The following ZFP91 variants were observed in gnomAD, a reference collection of about 807,000 sequenced individuals.
ZFP91 encodes the protein E3 ubiquitin-protein ligase ZFP91.
In ZFP91, 7 loss-of-function variants were observed where a neutral mutation model predicts 63.5. That is an observed-to-expected ratio of 0.11 (90% CI 0.06 to 0.21). The LOEUF (loss-of-function observed/expected upper bound fraction) is 0.21. Among genes scored for constraint, ZFP91 ranks in the 10% least tolerant of loss-of-function variants. The probability of loss-of-function intolerance (pLI) is 1.00; values close to 1 mark genes in which losing one functional copy is unlikely to be tolerated. For synonymous variants in ZFP91, 330 were observed against 272.1 expected, an observed-to-expected ratio of 1.21 and a Z score of -2.10; for missense variants, 628 against 736.6, an observed-to-expected ratio of 0.85 and a Z score of 1.71.
chr11:58,607,581 G>A (rs899106986), intron 2 of ZFP91, among the ~76,000 whole-genome samples: 3 of 149,642 alleles, frequency 2.0e-5, no homozygotes, highest in Admixed American at 6.8e-5. Context: ...AGAACTGTTC[G>A]CACTGCTATT....
intron 2 of ZFP91, among the ~76,000 whole-genome samples, chr11:58,597,102 C>CT (rs1349349460): frequency 6.6e-6 from 1 of 152,076 alleles, no homozygotes; most frequent in East Asian, 1.9e-4. Flanking sequence ...TGGCAAGGTA[C>CT]TTTTTTACTT....
At position 58,584,856 on chromosome 11, in the gene ZFP91, A is replaced by T; in HGVS notation, c.342A>T (p.Leu114=). 6.5e-7 allele frequency: 1 copy of T among 1,531,232 alleles called. No individual in the cohort carries two copies. 94.9% of individuals were successfully genotyped at this position (1,531,232 alleles called of 1,614,324 possible). A position where few individuals can be genotyped will look rare whatever the true frequency, so the allele number is the denominator to read the frequency against. The part of the protein sequence containing the change: ...PVQGKKSPRL[L]CIEKVTTDKD... ...AATGTTTGATTCTTATTTCTTTCAG[A>T]TGCATAGAAAAAGTAACAACTGATA... Residue 114 remains leucine, a splice_region_variant and synonymous_variant, in exon 2 of 11, where the codon CTA becomes CTT. Coordinates refer to ENST00000316059, the MANE Select transcript of ZFP91 (RefSeq NM_053023.5).
intron 2 of ZFP91, among the ~76,000 whole-genome samples, chr11:58,602,366 T>G (rs2134409274): frequency 6.6e-6 from 1 of 152,288 alleles, no homozygotes; most frequent in South Asian, 2.1e-4. Flanking sequence ...TGTCTCCATT[T>G]TTGTGATTGT....
At chr11:58,610,268 A>C (rs1168521792) in intron 3 of ZFP91, 30 bp from the exon 4 acceptor site, 29 of 1,586,514 alleles carry the variant, frequency 1.8e-5, no homozygotes, top group Non-Finnish European at 2.4e-5. Flanking sequence ...CTACACTAAT[A>C]AAATTTTGTT....
intron 2 of ZFP91, among the ~76,000 whole-genome samples, chr11:58,604,691 G>A (rs1238929592): frequency 6.6e-6 from 1 of 152,142 alleles, no homozygotes; most frequent in Non-Finnish European, 1.5e-5. Flanking sequence ...CTTTGAATGT[G>A]TCCCAACACA....
intron 7 of ZFP91, 25 bp from the exon 8 acceptor site, chr11:58,612,737 C>A (rs1168583664): frequency 7.8e-6 from 12 of 1,531,080 alleles, no homozygotes; most frequent in South Asian, 4.8e-5. Flanking sequence ...TTTTTGCTAA[C>A]TTTTCTTCTG....
intron 2 of ZFP91, among the ~76,000 whole-genome samples, chr11:58,591,619 CA>C (rs1855307552): frequency 6.6e-6 from 1 of 152,186 alleles, no homozygotes; most frequent in Non-Finnish European, 1.5e-5. Context: ...CAACCCTAGG[CA>C]ACCATTAATC....
intron 2 of ZFP91, among the ~76,000 whole-genome samples, chr11:58,597,099 GTACTTTTT>G (rs1311367985): frequency 6.6e-6 from 1 of 152,046 alleles, no homozygotes. Flanking sequence ...AACTGGCAAG[GTACTTTTT>G]TACTTCAGGG....
In ZFP91 at chr11:58,584,970, C is replaced by G. The variant is rs928550310; in HGVS notation, c.370+86C>G. 8 of 1,137,738 alleles carry G rather than the reference C, an allele frequency of 7.0e-6. No individual in the cohort carries two copies. The South Asian group carries it at 1.6e-4, about 23-fold the overall frequency. 70.5% of individuals were successfully genotyped at this position (1,137,738 alleles called of 1,614,324 possible). A position where few individuals can be genotyped will look rare whatever the true frequency, so the allele number is the denominator to read the frequency against. ...GAAAGCCTCATCATTCAAATTGGTT[C>G]CCATTTAAAAGGAATTTTTATTTGG... On this transcript the variant is annotated intron_variant, in intron 2 of 10. Transcript: ENST00000316059.
rs545537100 is a variant in ZFP91 at position 58,617,115 on chromosome 11, C to G, written c.1203-81C>G. The G allele has an allele frequency of 1.5e-5, 20 of 1,333,090 alleles. No homozygotes were observed. The African/African-American group carries it at 3.0e-4, about 20-fold the overall frequency. 82.6% of individuals were successfully genotyped at this position (1,333,090 alleles called of 1,614,324 possible). On this transcript the variant is annotated intron_variant, in intron 10 of 10. Transcript: ENST00000316059. The surrounding 1 kb of genome is among the most constrained non-coding windows in gnomAD (Gnocchi z 4.2). ...GTGTGTGTGTATGTATATATATGCT[C>G]TAAACTCTAACCCTGATCCTGAATA...
chr11:58,610,843 G>A (rs1033356539), intron 4 of ZFP91, 107 bp from the exon 5 acceptor site: 2 of 876,098 alleles, frequency 2.3e-6, no homozygotes, highest in African/African-American at 1.7e-5. Context: ...GAAAATGCTA[G>A]ATGACTTTAT....
intron 2 of ZFP91, among the ~76,000 whole-genome samples, chr11:58,602,322 G>C (rs1029720003): frequency 6.6e-6 from 1 of 152,028 alleles, no homozygotes; most frequent in Non-Finnish European, 1.5e-5. Context: ...CTTCTGACTG[G>C]TGTTTGGTTC....
intron 1 of ZFP91, among the ~76,000 whole-genome samples, chr11:58,579,974 C>T (rs1246998435): frequency 6.6e-6 from 1 of 152,174 alleles, no homozygotes; most frequent in Non-Finnish European, 1.5e-5. Flanking sequence ...TTAGGCGGCT[C>T]TCCAGTATTA....
chr11:58,580,096 T>TTA (rs1249288357), intron 1 of ZFP91, among the ~76,000 whole-genome samples: 1 of 151,682 alleles, frequency 6.6e-6, no homozygotes, highest in African/African-American at 2.4e-5. Context: ...TATGTAGCTT[T>TTA]TTTTTTTTTT....
intron 2 of ZFP91, among the ~76,000 whole-genome samples, chr11:58,603,644 G>T (rs1855526057): frequency 1.3e-5 from 2 of 152,218 alleles, no homozygotes; most frequent in African/African-American, 4.8e-5. Flanking sequence ...TGCAAATGCT[G>T]GGTCCTGGGT....
intron 2 of ZFP91, among the ~76,000 whole-genome samples, chr11:58,586,534 T>C (rs773894705): frequency 6.6e-6 from 1 of 152,206 alleles, no homozygotes; most frequent in Non-Finnish European, 1.5e-5. Context: ...AATCCCACTT[T>C]ACTGTTTAAA....
chr11:58,584,739 GACA>G (rs1855175625), intron 1 of ZFP91, 114 bp from the exon 2 acceptor site: 1 of 908,366 alleles, frequency 1.1e-6, no homozygotes, highest in Non-Finnish European at 1.6e-6. Context: ...AATTCTGTAG[GACA>G]ACACTAGTCT....
chr11:58,596,556 G>A (rs574821402), intron 2 of ZFP91, among the ~76,000 whole-genome samples: 4 of 152,120 alleles, frequency 2.6e-5, no homozygotes, highest in Admixed American at 2.0e-4. Flanking sequence ...CTTATATGTT[G>A]TCTTTCTGAT....
At position 58,618,474 on chromosome 11, in the gene ZFP91, C is replaced by T. The variant is rs1012802527; in HGVS notation, c.*768C>T. 13 of 365,378 alleles carry T rather than the reference C, an allele frequency of 3.6e-5. No homozygotes were observed. Among genetic ancestry groups the T allele is most frequent in the Middle Eastern group, 9.1e-4 (1 of 1,094 alleles). 22.6% of individuals were successfully genotyped at this position (365,378 alleles called of 1,614,324 possible). The stretch of plus-strand genomic sequence containing the variant: ...AAGACAGGGCTCTGTATCAGTGAGA[C>T]GATGAGAAAAGTCCCAGGCTAATGG... On this transcript the variant is annotated 3_prime_UTR_variant, in exon 11 of 11. Transcript: ENST00000316059.
Sources: allele counts gnomAD v4.1 joint callset (sites outside exome capture counted in the v4.1 genomes callset), GRCh38; gene constraint gnomAD v4.1.1; non-coding constraint Gnocchi (gnomAD v3.1); transcripts MANE v1.5; gene names NCBI Gene and HGNC (gene_info 2026-07-23, HGNC 2026-07-21).